URB1: variants seen among roughly 807,000 people sequenced by gnomAD.
URB1 encodes URB1 ribosome biogenesis factor, also known as nucleolar pre-ribosomal-associated protein 1.
Under a neutral mutation model 242.3 loss-of-function variants are expected in URB1, and 197 were observed. The observed-to-expected ratio is 0.81, with a 90% CI of 0.72 to 0.91. URB1 has a LOEUF of 0.91. Among genes scored for constraint, URB1 ranks in the 40% least tolerant of loss-of-function variants. The probability of loss-of-function intolerance (pLI) is 0.00; values close to 1 mark genes in which losing one functional copy is unlikely to be tolerated. For missense variants in URB1, 2,721 were observed against 2,860.5 expected (o/e 0.95, Z 1.11); for synonymous variants, 1,153 against 1,201.8 (o/e 0.96, Z 0.84).
rs1364968866 is a variant in URB1 at position 32,371,787 on chromosome 21, T to A, written c.1001+720A>T. The stretch of plus-strand genomic sequence containing the variant: ...TATTGTCAAGTGGGAAAAAAGCAGA[T>A]AGGATGAACAGTAGTAAGCCATTTT... On this transcript the variant is annotated intron_variant, in intron 8 of 38. Coordinates refer to ENST00000382751, the MANE Select transcript of URB1 (RefSeq NM_014825.3). Among the ~76,000 whole-genome samples, 3 of 151,640 alleles carry A rather than the reference T, an allele frequency of 2.0e-5. No individual in the cohort carries two copies. In the South Asian group the frequency reaches 6.2e-4, roughly 31 times the overall value.
chr21:32,392,824 C>A lies in URB1; in HGVS notation c.87G>T (p.Glu29Asp). The A allele has an allele frequency of 6.5e-7, 1 of 1,532,558 alleles. No individual in the cohort carries two copies. 94.9% of individuals were successfully genotyped at this position (1,532,558 alleles called of 1,614,324 possible). The change falls in exon 1 of 39, where the codon GAG (glutamate) becomes GAT (aspartate). Residue 29 changes from glutamate (E) to aspartate (D), a missense_variant. Coordinates refer to ENST00000382751, the MANE Select transcript of URB1 (RefSeq NM_014825.3). ...AGAAKRARKEELTGVRFKAQL... is the reference protein window; with the variant it reads ...AGAAKRARKEDLTGVRFKAQL... The stretch of plus-strand genomic sequence containing the variant: ...GAGCCTTGAACCGCACGCCCGTGAG[C>A]TCTTCTTTGCGGGCGCGCTTGGCTG...
chr21:32,391,586 A>G (rs1359290641), intron 1 of URB1, among the ~76,000 whole-genome samples: 1 of 152,162 alleles, frequency 6.6e-6, no homozygotes, highest in African/African-American at 2.4e-5. Context: ...TGACATTTTT[A>G]TTCATCACTT....
rs1394397289 is a variant in URB1, at chr21:32,392,894, C to T, written c.17G>A (p.Arg6Lys). 2.0e-6 allele frequency: 3 copies of T among 1,524,882 alleles called. No individual in the cohort carries two copies. The highest frequency in any genetic ancestry group is 2.6e-6 in the Non-Finnish European group (3 of 1,141,118). 94.5% of individuals were successfully genotyped at this position (1,524,882 alleles called of 1,614,324 possible). MGVPK[R>K]KASGGQDGAA... is the part of the protein sequence containing the mutation. Reference sequence around the variant, plus strand: ...GCCGTCCTGGCCGCCCGAGGCCTTCCTCTTGGGGACCCCCATGGCCGAGAG... The same window carrying T: ...GCCGTCCTGGCCGCCCGAGGCCTTCTTCTTGGGGACCCCCATGGCCGAGAG... Residue 6 changes from arginine (R) to lysine (K), a missense_variant, in exon 1 of 39, where the codon AGG (arginine) becomes AAG (lysine). Transcript: ENST00000382751.
rs546936499 is a variant in URB1 at position 32,345,129 on chromosome 21, G to A, written c.4070+245C>T. 1.2e-3 allele frequency among the ~76,000 whole-genome samples: 181 copies of A among 151,998 alleles called. 1 individual carries two copies. Among genetic ancestry groups the A allele is most frequent in the African/African-American group, 4.2e-3 (176 of 41,440 alleles). On this transcript the variant is annotated intron_variant, in intron 23 of 38. Transcript: ENST00000382751. ...TAAAAGATGTCAGACATTGTCAATT[G>A]TCCCCTGGGAGAAAATCACCCCCAG... is the stretch of plus-strand genomic sequence containing the variant.
intron 5 of URB1, among the ~76,000 whole-genome samples, chr21:32,376,030 A>T (rs2033455596): frequency 6.6e-6 from 1 of 152,208 alleles, no homozygotes; most frequent in African/African-American, 2.4e-5. Context: ...CGAACCAATG[A>T]CAGAACTTTT....
In URB1 at chr21:32,373,028, G is replaced by A. The variant is rs73359943; in HGVS notation, c.877-397C>T. ...GAGGTGAAATATTAGGCTCTTGAGA[G>A]GTGAATTATTATAACGTTAACAGGA... On this transcript the variant is annotated intron_variant, in intron 7 of 38. Transcript: ENST00000382751. Among the ~76,000 whole-genome samples, 1,359 of 152,260 alleles carry A rather than the reference G, an allele frequency of 8.9e-3. 29 individuals carry two copies. The highest frequency in any genetic ancestry group is 0.03 in the African/African-American group (1,239 of 41,524).
rs1193770529 is a variant in URB1, at chr21:32,347,665, A to C, written c.3159T>G (p.Leu1053=). 6.4e-7 allele frequency: 1 copy of C among 1,551,474 alleles called. No individual in the cohort carries two copies. The highest frequency in any genetic ancestry group is 8.7e-7 in the Non-Finnish European group (1 of 1,147,012). ...TCGGGGCACTTGCTGCCAGCAGCTG[A>C]AGGACCCCTGCACTAAAGTGGGTGG... The part of the protein sequence containing the change: ...LLATHFSAGV[L]QLLAASAPIL... The change falls in exon 22 of 39, where the codon CTT becomes CTG. Residue 1053 remains leucine (L), a synonymous_variant. Coordinates refer to ENST00000382751, the MANE Select transcript of URB1 (RefSeq NM_014825.3).
intron 5 of URB1, chr21:32,377,296 G>T (rs758287596): frequency 2.0e-6 from 1 of 511,830 alleles, no homozygotes; most frequent in East Asian, 5.5e-5. Context: ...CCAGGGGGAC[G>T]GGCCCATCAT....
At chr21:32,318,492 G>C (rs1487302875) in intron 36 of URB1, among the ~76,000 whole-genome samples, 1 of 152,208 alleles carries the variant, frequency 6.6e-6, no homozygotes, top group South Asian at 2.1e-4. Context: ...CATAGGAAAG[G>C]TTGACTATCC....
chr21:32,316,756 C>T lies in URB1; in HGVS notation c.6344G>A (p.Arg2115Lys). The change falls in exon 38 of 39, where the codon AGG becomes AAG. Residue 2115 changes from arginine (R) to lysine (K), a missense_variant. By Grantham distance (26) the Arg-to-Lys change is conservative. Coordinates refer to ENST00000382751, the MANE Select transcript of URB1 (RefSeq NM_014825.3). The part of the protein sequence containing the change: ...LRSVAEHPLS[R>K]AEAAGLIGWL... ...GCCAATGAGTCCTGCAGCCTCTGCC[C>T]TGCTGAGCGGGTGCTCGGCCACCGA... The T allele has an allele frequency of 6.4e-7, 1 of 1,551,016 alleles. No homozygotes were observed. The highest frequency in any genetic ancestry group is 8.7e-7 in the Non-Finnish European group (1 of 1,146,684).
intron 24 of URB1, among the ~76,000 whole-genome samples, chr21:32,342,340 C>T (rs993978842): frequency 2.0e-5 from 3 of 152,148 alleles, no homozygotes; most frequent in African/African-American, 4.8e-5. Flanking sequence ...AGCTACAGGC[C>T]GTGTGTGTGC....
Position 32,350,870 on chromosome 21 carries a change from G to T in URB1, c.2666C>A (p.Ser889Tyr). The change falls in exon 20 of 39, where the codon TCC becomes TAC. Residue 889 changes from serine (S) to tyrosine (Y), a missense_variant. Ser to Tyr is a moderately radical substitution (Grantham distance 144, BLOSUM62 -2). Coordinates refer to ENST00000382751, the MANE Select transcript of URB1 (RefSeq NM_014825.3). The stretch of plus-strand genomic sequence containing the variant: ...GGCTGCCTGCAGCAGGGCTGTGAAG[G>T]ACGAGGCCAAGGGAAGGGCAGGGGG... ...PSPPALPLAS[S>Y]FTALLQAAYE... The T allele has an allele frequency of 6.4e-7, 1 of 1,550,630 alleles. No homozygotes were observed. The highest frequency in any genetic ancestry group is 8.7e-7 in the Non-Finnish European group (1 of 1,146,996).
In URB1 at chr21:32,338,913, A is replaced by G; in HGVS notation, c.4317-13T>C. The G allele has an allele frequency of 1.3e-6, 2 of 1,521,956 alleles. No homozygotes were observed. Among genetic ancestry groups the G allele is most frequent in the African/African-American group, 1.4e-5 (1 of 71,964 alleles). The allele number at this position is 1,521,956 out of a possible 1,614,324, so 94.3% of individuals were successfully genotyped here. On this transcript the variant is annotated splice_polypyrimidine_tract_variant and intron_variant, in intron 25 of 38. Transcript: ENST00000382751. ...CTGGTACCGAAATCTAGGCGGCGAG[A>G]GTCAAAGGGAAAAGAGCTTTGCTAA...
chr21:32,347,988 C>T (rs1048110164), intron 21 of URB1, among the ~76,000 whole-genome samples, 177 bp from the exon 22 acceptor site: 1 of 152,228 alleles, frequency 6.6e-6, no homozygotes, highest in African/African-American at 2.4e-5. Context: ...CCCAAGGCAT[C>T]GCAGCCAAGC....
chr21:32,325,207 G>C (rs1370934423), intron 31 of URB1, 22 bp downstream of exon 31: 4 of 1,542,154 alleles, frequency 2.6e-6, no homozygotes, highest in Non-Finnish European at 3.5e-6. Flanking sequence ...CCCACAGTAG[G>C]ATGTACGCTC....
intron 34 of URB1, among the ~76,000 whole-genome samples, chr21:32,321,456 C>T (rs1279962162): frequency 6.6e-6 from 1 of 152,162 alleles, no homozygotes; most frequent in Non-Finnish European, 1.5e-5. Flanking sequence ...GGTTTCTAGA[C>T]TTGTGACCAC....
At chr21:32,316,080 C>T (rs1005356407) in intron 38 of URB1, among the ~76,000 whole-genome samples, 11 of 152,254 alleles carry the variant, frequency 7.2e-5, no homozygotes, top group African/African-American at 2.7e-4. Flanking sequence ...CATGCACATG[C>T]GCACACATGC....
At chr21:32,322,456 C>G in intron 33 of URB1, 22 bp downstream of exon 33, 4 of 1,542,344 alleles carry the variant, frequency 2.6e-6, no homozygotes, top group African/African-American at 1.4e-5. Context: ...TGCAGAAAGC[C>G]GTGAGGACTC....
At chr21:32,320,796 G>A (rs983132880) in intron 34 of URB1, among the ~76,000 whole-genome samples, 156 bp from the exon 35 acceptor site, 6 of 152,292 alleles carry the variant, frequency 3.9e-5, no homozygotes, top group Middle Eastern at 3.4e-3. Flanking sequence ...GGCCATGTAC[G>A]AACGTGCCCT....
Sources: gnomAD v4.1 joint callset for allele counts (sites outside exome capture counted in the v4.1 genomes callset) on GRCh38, gnomAD v4.1.1 for gene constraint, MANE v1.5 for transcripts, NCBI Gene and HGNC (gene_info 2026-07-23, HGNC 2026-07-21) for gene names.